Variants in ADGRA3 observed in about 807,000 individuals in gnomAD.
The protein encoded by ADGRA3 is adhesion G protein-coupled receptor A3.
A neutral mutation model predicts 119.8 loss-of-function variants in ADGRA3; 56 were observed. The ratio of observed to expected loss-of-function variants is 0.47; its 90% CI spans 0.38 to 0.58. The LOEUF (loss-of-function observed/expected upper bound fraction) is 0.58, where lower values mean the gene tolerates loss of function less well. Among genes scored for constraint, ADGRA3 ranks in the 20% least tolerant of loss-of-function variants. The pLI is 0.00. For synonymous variants in ADGRA3, 607 were observed against 623.8 expected, an observed-to-expected ratio of 0.97 and a Z score of 0.40; for missense variants, 1,516 against 1,649.0, an observed-to-expected ratio of 0.92 and a Z score of 1.40.
At chr4:22,466,722 A>T (rs1485568013) in intron 2 of ADGRA3, among the ~76,000 whole-genome samples, 3 of 151,944 alleles carry the variant, frequency 2.0e-5, no homozygotes, top group Admixed American at 6.6e-5. Context: ...CAAAAAAAAA[A>T]ACTTGTGAAC....
At chr4:22,411,267 C>A (rs894808559) in intron 14 of ADGRA3, among the ~76,000 whole-genome samples, 3 of 152,164 alleles carry the variant, frequency 2.0e-5, no homozygotes, top group African/African-American at 7.2e-5. Context: ...AAAACACTTT[C>A]AAAATGGAAG....
At chr4:22,440,013 T>G (rs1302169407) in intron 7 of ADGRA3, among the ~76,000 whole-genome samples, 1 of 152,220 alleles carries the variant, frequency 6.6e-6, no homozygotes, top group East Asian at 1.9e-4. Context: ...CAACTACTTC[T>G]TAATGAGATA....
chr4:22,396,053 G>T (rs1228426789), intron 16 of ADGRA3, among the ~76,000 whole-genome samples: 1 of 152,142 alleles, frequency 6.6e-6, no homozygotes, highest in Non-Finnish European at 1.5e-5. Flanking sequence ...TTTTATGGCA[G>T]AGCTAAGAAA....
In ADGRA3 at chr4:22,387,976, T is replaced by C. The variant is rs780138287; in HGVS notation, c.3695A>G (p.Tyr1232Cys). ...GCTGCTGTCTTGCTGGGGTGGGTTG[T>C]ACTGTCTCTCTCTGTAGGCTAAATA... The part of the protein sequence containing the change: ...RAYLAYRERQ[Y>C]NPPQQDSSDA... Residue 1232 changes from tyrosine (Y) to cysteine (C), a missense_variant, in exon 19 of 19, where the codon TAC becomes TGC. By Grantham distance (194) the Tyr-to-Cys change is radical. Around this residue, in one of 2 missense-constraint regions of ADGRA3, gnomAD observed 1,088 missense variants for 1,107.1 expected, o/e 0.98. Coordinates refer to ENST00000334304, the MANE Select transcript of ADGRA3 (RefSeq NM_145290.4). 1 of 1,614,208 alleles carries C rather than the reference T, an allele frequency of 6.2e-7. No homozygotes were observed. Among genetic ancestry groups the C allele is most frequent in the Non-Finnish European group, 8.5e-7 (1 of 1,180,022 alleles).
At chr4:22,486,190 C>T (rs6825746) in intron 1 of ADGRA3, among the ~76,000 whole-genome samples, 149,785 of 152,290 alleles carry the variant, frequency 0.98, 73,708 homozygotes, top group Middle Eastern at 1. Context: ...ATGGATCTTT[C>T]CATATTTTTA....
chr4:22,464,573 C>T (rs1717586656), intron 2 of ADGRA3, among the ~76,000 whole-genome samples: 1 of 152,184 alleles, frequency 6.6e-6, no homozygotes, highest in South Asian at 2.1e-4. Flanking sequence ...CATCCCTTAT[C>T]TCCAGGCACC....
At chr4:22,431,998 T>C (rs76779920) in intron 10 of ADGRA3, among the ~76,000 whole-genome samples, 1,915 of 152,184 alleles carry the variant, frequency 0.013, 41 homozygotes, top group African/African-American at 0.043. Flanking sequence ...CAAGAACCTA[T>C]AGATGACCTT....
At chr4:22,500,114 C>T (rs916840590) in intron 1 of ADGRA3, among the ~76,000 whole-genome samples, 2 of 152,212 alleles carry the variant, frequency 1.3e-5, no homozygotes, top group Non-Finnish European at 2.9e-5. Context: ...GGTCGACCTG[C>T]ACTTTGCTTT....
intron 10 of ADGRA3, among the ~76,000 whole-genome samples, chr4:22,429,925 G>A (rs571725734): frequency 9.1e-4 from 138 of 152,232 alleles, no homozygotes; most frequent in Non-Finnish European, 1.4e-3. Context: ...CAATTCCCAA[G>A]TGTTGTGAGA....
chr4:22,441,160 A>AT (rs776892725), intron 7 of ADGRA3, among the ~76,000 whole-genome samples: 1 of 152,132 alleles, frequency 6.6e-6, no homozygotes, highest in Non-Finnish European at 1.5e-5. Flanking sequence ...TCACAATCTT[A>AT]TTGGCTTAAA....
At chr4:22,480,543 CA>C (rs1718229224) in intron 1 of ADGRA3, among the ~76,000 whole-genome samples, 1 of 151,890 alleles carries the variant, frequency 6.6e-6, no homozygotes, top group Non-Finnish European at 1.5e-5. Context: ...AAAATCAAAA[CA>C]AAACTATGGA....
intron 12 of ADGRA3, among the ~76,000 whole-genome samples, chr4:22,418,950 T>C (rs1715540028): frequency 6.6e-6 from 1 of 152,146 alleles, no homozygotes; most frequent in Non-Finnish European, 1.5e-5. Context: ...AATATTTTAC[T>C]AAGTGGCATC....
At chr4:22,390,338 A>AT (rs10623891) in intron 17 of ADGRA3, among the ~76,000 whole-genome samples, 5 of 106,880 alleles carry the variant, frequency 4.7e-5, no homozygotes, top group Non-Finnish European at 5.5e-5. Context: ...ATATATATAT[A>AT]AAATACATAT....
At chr4:22,465,874 A>C (rs927578995) in intron 2 of ADGRA3, among the ~76,000 whole-genome samples, 20 of 152,162 alleles carry the variant, frequency 1.3e-4, no homozygotes, top group Admixed American at 3.3e-4. Flanking sequence ...GCTGGAGATA[A>C]CTTTCTTTCA....
Position 22,438,351 on chromosome 4 carries a change from A to G in ADGRA3, c.990T>C (p.Arg330=). 1 of 1,613,578 alleles carries G rather than the reference A, an allele frequency of 6.2e-7. No individual in the cohort carries two copies. Among genetic ancestry groups the G allele is most frequent in the South Asian group, 1.1e-5 (1 of 91,062 alleles). The change falls in exon 8 of 19, where the codon CGT becomes CGC. Residue 330 remains arginine, a synonymous_variant. Transcript: ENST00000334304. ...GNWGCHVQTK[R]GNNTRTVDIV... is the part of the protein sequence containing the mutation. ...TATCCACAGTCCTCGTATTATTCCC[A>G]CGTTTGGTCTGGACATGACAGCCCC...
intron 9 of ADGRA3, among the ~76,000 whole-genome samples, 180 bp from the exon 10 acceptor site, chr4:22,435,646 C>T (rs1160728356): frequency 6.6e-6 from 1 of 152,110 alleles, no homozygotes; most frequent in East Asian, 1.9e-4. Flanking sequence ...AATGGAAACT[C>T]ACTGGAGGGA....
At chr4:22,450,547 G>T (rs947679867) in intron 4 of ADGRA3, among the ~76,000 whole-genome samples, 1 of 152,166 alleles carries the variant, frequency 6.6e-6, no homozygotes, top group Admixed American at 6.5e-5. Flanking sequence ...TTACGGGCGT[G>T]AGCCACTGTG....
At chr4:22,443,115 G>A in intron 6 of ADGRA3, 1 of 677,892 alleles carries the variant, frequency 1.5e-6, no homozygotes, top group South Asian at 1.6e-5. Flanking sequence ...CATCCTAAGA[G>A]TATCAGATGA....
At chr4:22,431,630 T>G (rs10938899) in intron 10 of ADGRA3, among the ~76,000 whole-genome samples, 101,402 of 152,024 alleles carry the variant, frequency 0.67, 34,596 homozygotes, top group Non-Finnish European at 0.74. Context: ...ATGACTTTGC[T>G]CCTCCTTTGC....
Sources: allele counts gnomAD v4.1 joint callset (sites outside exome capture counted in the v4.1 genomes callset), GRCh38; gene constraint gnomAD v4.1.1; regional missense constraint gnomAD v4.1.1; transcripts MANE v1.5; gene names NCBI Gene and HGNC (gene_info 2026-07-23, HGNC 2026-07-21).